The following ERBB4 variants were observed in gnomAD, a reference collection of about 807,000 sequenced individuals.
ERBB4 encodes the protein erb-b2 receptor tyrosine kinase 4, also known as receptor tyrosine-protein kinase erbB-4.
A neutral mutation model predicts 158.0 loss-of-function variants in ERBB4; 42 were observed. The ratio of observed to expected loss-of-function variants is 0.27; its 90% CI spans 0.21 to 0.34. ERBB4 has a LOEUF of 0.34. Ranked by LOEUF, ERBB4 falls within the 10% of genes least tolerant of loss-of-function variation. The probability of loss-of-function intolerance (pLI) is 1.00; values close to 1 mark genes in which losing one functional copy is unlikely to be tolerated. For missense variants in ERBB4, 1,333 were observed against 1,624.1 expected, an observed-to-expected ratio of 0.82 and a Z score of 3.08; for synonymous variants, 583 against 558.7, an observed-to-expected ratio of 1.04 and a Z score of -0.61.
intron 1 of ERBB4, among the ~76,000 whole-genome samples, chr2:212,291,390 G>A (rs2086200604): frequency 6.6e-6 from 1 of 151,984 alleles, no homozygotes; most frequent in African/African-American, 2.4e-5. Flanking sequence ...ATCCTATCAT[G>A]TATTTTAAAA....
chr2:211,453,864 C>T (rs1289574291), intron 20 of ERBB4, among the ~76,000 whole-genome samples: 1 of 152,148 alleles, frequency 6.6e-6, no homozygotes, highest in Non-Finnish European at 1.5e-5. Context: ...ACTAGCACTG[C>T]TTCAGAAACC....
chr2:211,923,185 C>G (rs996718390), intron 3 of ERBB4, among the ~76,000 whole-genome samples: 1 of 151,946 alleles, frequency 6.6e-6, no homozygotes, highest in African/African-American at 2.4e-5. Flanking sequence ...GACAAGACGG[C>G]AAAGCAGACT....
chr2:212,251,360 A>G (rs7587246), intron 1 of ERBB4, among the ~76,000 whole-genome samples: 32,610 of 151,908 alleles, frequency 0.21, 3,797 homozygotes, highest in Non-Finnish European at 0.24. Context: ...AGCAGGCATC[A>G]TTCTAGGCAC....
chr2:211,431,093 A>C lies in ERBB4; in HGVS notation c.2495T>G (p.Met832Arg), dbSNP rs1574477306. 1 of 1,613,604 alleles carries C rather than the reference A, an allele frequency of 6.2e-7. No homozygotes were observed. The highest frequency in any genetic ancestry group is 8.5e-7 in the Non-Finnish European group (1 of 1,179,658). ...NWCVQIAKGM[M>R]YLEERRLVHR... is the part of the protein sequence containing the mutation. ...AACGAGTCGTCTTTCTTCCAGGTAC[A>C]TCATTCCCTGAAAAATATCAAGTTC... is the stretch of plus-strand genomic sequence containing the variant. The change falls in exon 21 of 28, where the codon ATG (methionine) becomes AGG (arginine). Residue 832 changes from methionine to arginine, a missense_variant. By Grantham distance (91) the Met-to-Arg change is moderately conservative (BLOSUM62 -1). Around this residue, in one of 5 missense-constraint regions of ERBB4, gnomAD observed 314 missense variants for 437.6 expected, o/e 0.72. Transcript: ENST00000342788.
chr2:211,750,791 T>G (rs6757068), intron 4 of ERBB4, 87 bp from the exon 5 acceptor site: 1 of 1,106,224 alleles, frequency 9.0e-7, no homozygotes, highest in Non-Finnish European at 1.4e-6. Flanking sequence ...GAAATACTCC[T>G]GCTCCTTTAT....
chr2:211,494,017 A>G (rs928638978), intron 20 of ERBB4, among the ~76,000 whole-genome samples: 2 of 152,090 alleles, frequency 1.3e-5, no homozygotes. Flanking sequence ...TGGGCTACCC[A>G]GCCTTATTTC....
intron 4 of ERBB4, among the ~76,000 whole-genome samples, chr2:211,755,557 C>G (rs1057312186): frequency 2.0e-5 from 3 of 152,084 alleles, no homozygotes; most frequent in African/African-American, 4.8e-5. Flanking sequence ...TGGTTACTCC[C>G]CATCACCACT....
chr2:212,415,822 T>G (rs1308187044), intron 1 of ERBB4, among the ~76,000 whole-genome samples: 1 of 152,280 alleles, frequency 6.6e-6, no homozygotes, highest in African/African-American at 2.4e-5. Flanking sequence ...TAGTTTTCTG[T>G]GTTGATATCC....
At chr2:212,239,854 GAATTA>G (rs1163944294) in intron 1 of ERBB4, among the ~76,000 whole-genome samples, 1 of 152,088 alleles carries the variant, frequency 6.6e-6, no homozygotes, top group African/African-American at 2.4e-5. Flanking sequence ...AATCCTAAAG[GAATTA>G]AATAACAAGC....
chr2:212,028,824 A>G (rs900173225), intron 2 of ERBB4, among the ~76,000 whole-genome samples: 3 of 152,122 alleles, frequency 2.0e-5, no homozygotes, highest in Non-Finnish European at 2.9e-5. Flanking sequence ...CTTAACCCAA[A>G]GGAATTTATG....
intron 10 of ERBB4, 21 bp downstream of exon 10, chr2:211,705,297 A>C (rs1297763520): frequency 1.3e-6 from 2 of 1,514,404 alleles, no homozygotes; most frequent in Admixed American, 1.7e-5. Context: ...ATAGCGCAAC[A>C]GTTGCAGTTT....
At chr2:212,309,747 C>T (rs12470893) in intron 1 of ERBB4, among the ~76,000 whole-genome samples, 20,341 of 112,304 alleles carry the variant, frequency 0.18, 1,477 homozygotes, top group South Asian at 0.28. Flanking sequence ...CCATGGTAAG[C>T]TTTGAGGGTA....
intron 3 of ERBB4, among the ~76,000 whole-genome samples, chr2:211,939,730 G>A (rs568154932): frequency 5.9e-5 from 9 of 152,146 alleles, no homozygotes; most frequent in African/African-American, 1.7e-4. Context: ...GGCGGATCAC[G>A]AGGTCAGGAG....
intron 25 of ERBB4, among the ~76,000 whole-genome samples, chr2:211,401,490 T>C (rs1000454065): frequency 1.3e-5 from 2 of 152,058 alleles, no homozygotes; most frequent in Admixed American, 1.3e-4. Context: ...GGAGAAGTCC[T>C]CCGTGCTGAA....
At chr2:211,841,603 A>G (rs544827389) in intron 3 of ERBB4, among the ~76,000 whole-genome samples, 5 of 152,100 alleles carry the variant, frequency 3.3e-5, no homozygotes, top group African/African-American at 1.2e-4. Context: ...ATCCTCTGAT[A>G]CATTTCATAT....
intron 5 of ERBB4, among the ~76,000 whole-genome samples, chr2:211,741,452 T>TACACACAC (rs5838279): frequency 0.16 from 22,410 of 143,086 alleles, 1,996 homozygotes; most frequent in South Asian, 0.28. Context: ...TATGTAGTTA[T>TACACACAC]ACACACACAC....
At chr2:211,912,360 T>C (rs933764416) in intron 3 of ERBB4, among the ~76,000 whole-genome samples, 2 of 152,046 alleles carry the variant, frequency 1.3e-5, no homozygotes, top group African/African-American at 4.8e-5. Flanking sequence ...TTTTTTACCT[T>C]CCAAGAGTAA....
intron 1 of ERBB4, among the ~76,000 whole-genome samples, chr2:212,537,462 CG>C (rs1226453700): frequency 6.6e-6 from 1 of 152,012 alleles, no homozygotes; most frequent in Non-Finnish European, 1.5e-5. Context: ...CAAGCCGTGG[CG>C]GGCCAGCCCC....
rs193194439 is a variant in ERBB4, at chr2:211,376,854, C to T, written c.*6761G>A. 282 of 233,150 alleles carry T rather than the reference C, an allele frequency of 1.2e-3. No homozygotes were observed. Among genetic ancestry groups the T allele is most frequent in the Admixed American group, 2.1e-3 (37 of 17,760 alleles). The allele number at this position is 233,150 out of a possible 1,614,324, so 14.4% of individuals were successfully genotyped here. A position where few individuals can be genotyped will look rare whatever the true frequency, so the allele number is the denominator to read the frequency against. On this transcript the variant is annotated 3_prime_UTR_variant, in exon 28 of 28. Transcript: ENST00000342788. ...AAAATGCGGTTTCAGCATGCAGCCA[C>T]GCAATCCCTGGTGCTCTCAACATGA...
Sources: allele counts gnomAD v4.1 joint callset (sites outside exome capture counted in the v4.1 genomes callset), GRCh38; gene constraint gnomAD v4.1.1; regional missense constraint gnomAD v4.1.1; transcripts MANE v1.5; gene names NCBI Gene and HGNC (gene_info 2026-07-23, HGNC 2026-07-21).